STK32A: variants seen among roughly 807,000 people sequenced by gnomAD.
STK32A encodes serine/threonine kinase 32A.
Under a neutral mutation model 53.2 loss-of-function variants are expected in STK32A, and 41 were observed. That is an observed-to-expected ratio of 0.77 (90% CI 0.60 to 1.00). The LOEUF (loss-of-function observed/expected upper bound fraction) is 1.00, where lower values mean the gene tolerates loss of function less well. STK32A is among the 50% of genes least tolerant of loss of function. The probability of loss-of-function intolerance (pLI) is 0.00; values close to 1 mark genes in which losing one functional copy is unlikely to be tolerated. For synonymous variants in STK32A, 166 were observed against 162.8 expected (o/e 1.02, Z -0.15); for missense variants, 458 against 485.8 (o/e 0.94, Z 0.54).
the STK32A span, chr5:147,394,171 G>C: frequency 3.0e-5 from 47 of 1,588,774 alleles, no homozygotes; most frequent in African/African-American, 4.6e-4. Context: ...ACAGAGTGGC[G>C]GGTAGGGGGA....
At chr5:147,253,976 A>G (rs73793363) in intron 2 of STK32A, among the ~76,000 whole-genome samples, 428 of 152,338 alleles carry the variant, frequency 2.8e-3, no homozygotes, top group African/African-American at 9.9e-3. Flanking sequence ...AGTGCTAAGC[A>G]TGGCACAAGT....
At chr5:147,343,364 A>AT (rs1200002837) in intron 6 of STK32A, 2 of 435,126 alleles carry the variant, frequency 4.6e-6, no homozygotes, top group African/African-American at 2.0e-5. Flanking sequence ...GCAATCACCT[A>AT]TTTTTTATAA....
intron 2 of STK32A, among the ~76,000 whole-genome samples, chr5:147,264,544 A>G (rs769929533): frequency 2.0e-5 from 3 of 152,226 alleles, no homozygotes; most frequent in Non-Finnish European, 4.4e-5. Context: ...ATCATAGTTT[A>G]CTACAACCCA....
In STK32A at chr5:147,241,426, C is replaced by T. The variant is rs186485052; in HGVS notation, c.52+1740C>T. Among the ~76,000 whole-genome samples the T allele has an allele frequency of 3.3e-3, 507 of 152,222 alleles. 4 individuals carry two copies. The highest frequency in any genetic ancestry group is 0.02 in the East Asian group (101 of 5,156). ...CCCGGGAGGCGGAGCTTGCAGTGAG[C>T]CGAGAACCGGCCACTGCACTCCAGC... is the stretch of plus-strand genomic sequence containing the variant. On this transcript the variant is annotated intron_variant, in intron 2 of 12. Coordinates refer to ENST00000397936, the MANE Select transcript of STK32A (RefSeq NM_001112724.2).
intron 7 of STK32A, among the ~76,000 whole-genome samples, chr5:147,355,677 C>CA (rs902443917): frequency 8.7e-5 from 13 of 149,830 alleles, no homozygotes; most frequent in African/African-American, 3.2e-4. Context: ...GATTCCGTCT[C>CA]AAAAAAAATA....
chr5:147,366,394 C>A (rs531000106), intron 8 of STK32A, among the ~76,000 whole-genome samples: 1 of 152,280 alleles, frequency 6.6e-6, no homozygotes, highest in East Asian at 1.9e-4. Flanking sequence ...TTTTCAAAAT[C>A]TTTATAGCCA....
intron 10 of STK32A, among the ~76,000 whole-genome samples, chr5:147,373,936 T>C (rs1263399953): frequency 1.3e-5 from 2 of 152,230 alleles, no homozygotes; most frequent in East Asian, 3.9e-4. Flanking sequence ...ACTGAAATTA[T>C]ATGTTCAGTT....
chr5:147,399,915 A>G, the STK32A span, among the ~76,000 whole-genome samples: 3 of 152,224 alleles, frequency 2.0e-5, no homozygotes, highest in Admixed American at 2.0e-4. Flanking sequence ...CTCTTTTCAA[A>G]CCAAAAAGCC....
intron 8 of STK32A, among the ~76,000 whole-genome samples, chr5:147,369,981 T>A (rs2152002874): frequency 6.6e-6 from 1 of 152,284 alleles, no homozygotes; most frequent in East Asian, 1.9e-4. Flanking sequence ...CTACAGCTAA[T>A]CCACAGTTTT....
chr5:147,298,283 A>G (rs541899606), intron 4 of STK32A, among the ~76,000 whole-genome samples: 1 of 152,326 alleles, frequency 6.6e-6, no homozygotes, highest in Non-Finnish European at 1.5e-5. Context: ...TTTCAAACAT[A>G]CTTTTGTTCA....
Position 147,235,198 on chromosome 5 carries a change from A to T in STK32A, c.-98A>T, listed in dbSNP as rs1753259871. The T allele has an allele frequency of 6.6e-6, 1 of 152,392 alleles. No homozygotes were observed. Among genetic ancestry groups the T allele is most frequent in the Admixed American group, 6.5e-5 (1 of 15,296 alleles). The allele number at this position is 152,392 out of a possible 1,614,324, so 9.4% of individuals were successfully genotyped here. On this transcript the variant is annotated splice_region_variant and 5_prime_UTR_variant, in exon 1 of 13. Transcript: ENST00000397936. ...GAGGAATGAAGGAAGAATCGAGACTAGGTGAGTGGTGGTCTAGATTTAACG... is the reference window on the plus strand; with the variant it reads ...GAGGAATGAAGGAAGAATCGAGACTTGGTGAGTGGTGGTCTAGATTTAACG...
intron 2 of STK32A, among the ~76,000 whole-genome samples, chr5:147,262,612 A>C (rs925144115): frequency 6.7e-6 from 1 of 149,652 alleles, no homozygotes; most frequent in Non-Finnish European, 1.5e-5. Flanking sequence ...ACAAAAAAAA[A>C]CAAGACTTCT....
intron 5 of STK32A, among the ~76,000 whole-genome samples, chr5:147,339,207 C>T (rs540968197): frequency 5.7e-4 from 86 of 152,164 alleles, no homozygotes; most frequent in Admixed American, 1.2e-3. Context: ...GACTTGCTGC[C>T]CTGCATCCCA....
At chr5:147,356,162 A>G (rs1358471085) in intron 7 of STK32A, among the ~76,000 whole-genome samples, 1 of 152,176 alleles carries the variant, frequency 6.6e-6, no homozygotes, top group African/African-American at 2.4e-5. Context: ...TCACACAGCC[A>G]GTGATTGGCA....
chr5:147,401,825 C>A, the STK32A span: 315 of 1,081,862 alleles, frequency 2.9e-4, no homozygotes, highest in African/African-American at 4.8e-3. Context: ...GGGTTCAAGT[C>A]CATGTTCCCA....
chr5:147,343,895 A>C (rs1428952026), intron 6 of STK32A, among the ~76,000 whole-genome samples: 1 of 152,240 alleles, frequency 6.6e-6, no homozygotes, highest in Non-Finnish European at 1.5e-5. Flanking sequence ...GCAATAATCA[A>C]GATGGTGATA....
intron 1 of STK32A, among the ~76,000 whole-genome samples, chr5:147,237,080 A>G (rs1330316972): frequency 1.3e-5 from 2 of 152,138 alleles, no homozygotes; most frequent in Admixed American, 6.6e-5. Context: ...TGGGAGGCCG[A>G]GGTGGGTGCA....
At chr5:147,308,419 C>T (rs1183853605) in intron 4 of STK32A, among the ~76,000 whole-genome samples, 1 of 152,098 alleles carries the variant, frequency 6.6e-6, no homozygotes, top group African/African-American at 2.4e-5. Flanking sequence ...GCTAAATTCT[C>T]TTATTAATTA....
intron 4 of STK32A, among the ~76,000 whole-genome samples, chr5:147,291,056 A>T (rs543755663): frequency 6.6e-6 from 1 of 152,330 alleles, no homozygotes; most frequent in South Asian, 2.1e-4. Flanking sequence ...AATGGCTTTA[A>T]AATACTGTCC....
Sources: gnomAD v4.1 joint callset for allele counts (sites outside exome capture counted in the v4.1 genomes callset) on GRCh38, gnomAD v4.1.1 for gene constraint, MANE v1.5 for transcripts, NCBI Gene and HGNC (gene_info 2026-07-23, HGNC 2026-07-21) for gene names.